Variants in ZNF438 observed in about 807,000 individuals in gnomAD.
The protein encoded by ZNF438 is zinc finger protein 438.
A neutral mutation model predicts 38.0 loss-of-function variants in ZNF438; 25 were observed. The ratio of observed to expected loss-of-function variants is 0.66; its 90% CI spans 0.48 to 0.92. The LOEUF is 0.92. ZNF438 is among the 40% of genes least tolerant of loss of function. ZNF438 has a pLI of 0.00. For missense variants in ZNF438, 1,007 were observed against 999.6 expected (o/e 1.01, Z -0.10); for synonymous variants, 372 against 364.1 (o/e 1.02, Z -0.25).
At chr10:30,983,463 G>A (rs983797777) in intron 1 of ZNF438, among the ~76,000 whole-genome samples, 8 of 151,966 alleles carry the variant, frequency 5.3e-5, no homozygotes, top group African/African-American at 9.7e-5. Context: ...TTAAACAACC[G>A]GATCTCATGA....
intron 1 of ZNF438, among the ~76,000 whole-genome samples, chr10:30,977,708 G>A (rs771581948): frequency 5.8e-4 from 89 of 152,160 alleles, no homozygotes; most frequent in Non-Finnish European, 1.1e-3. Flanking sequence ...TTCTGGGCCC[G>A]GCACGGTGGC....
intron 1 of ZNF438, among the ~76,000 whole-genome samples, chr10:30,961,516 T>C (rs1362851723): frequency 2.1e-5 from 3 of 146,308 alleles, no homozygotes; most frequent in African/African-American, 7.3e-5. Context: ...GATTGTATAA[T>C]CGCATTTTAT....
At chr10:30,871,880 G>A (rs1228631613) in intron 4 of ZNF438, among the ~76,000 whole-genome samples, 2 of 152,118 alleles carry the variant, frequency 1.3e-5, no homozygotes, top group Non-Finnish European at 1.5e-5. Context: ...AGAGGGGGCC[G>A]CCTGTGTGTC....
At chr10:30,915,129 CAGTCAGACTCTTTAAAA>C (rs2043469580) in intron 2 of ZNF438, among the ~76,000 whole-genome samples, 2 of 150,864 alleles carry the variant, frequency 1.3e-5, no homozygotes, top group African/African-American at 5.0e-5. Flanking sequence ...TTTTTATCAT[CAGTCAGACTCTTTAAAA>C]ATAAAAAAGC....
chr10:30,852,471 G>T (rs1248510912), intron 4 of ZNF438, among the ~76,000 whole-genome samples: 2 of 152,070 alleles, frequency 1.3e-5, no homozygotes, highest in East Asian at 3.9e-4. Flanking sequence ...GCCTCCCAAA[G>T]TGCTGGGATT....
intron 1 of ZNF438, among the ~76,000 whole-genome samples, chr10:30,982,213 T>C (rs1467084262): frequency 6.6e-6 from 1 of 151,824 alleles, no homozygotes; most frequent in Admixed American, 6.6e-5. Flanking sequence ...ACCATTCTCC[T>C]GCCTCAGCCT....
At chr10:31,009,221 G>A (rs1304460256) in intron 1 of ZNF438, among the ~76,000 whole-genome samples, 1 of 152,056 alleles carries the variant, frequency 6.6e-6, no homozygotes, top group East Asian at 1.9e-4. Flanking sequence ...TCTAACCTTA[G>A]TGCAGCTACT....
intron 1 of ZNF438, among the ~76,000 whole-genome samples, chr10:31,029,821 G>A (rs76722261): frequency 0.075 from 11,399 of 152,238 alleles, 557 homozygotes; most frequent in Non-Finnish European, 0.11. Flanking sequence ...TACTTTCCCC[G>A]TTCCCGGCTG....
At chr10:30,922,122 C>T (rs556749866) in intron 2 of ZNF438, among the ~76,000 whole-genome samples, 1 of 152,222 alleles carries the variant, frequency 6.6e-6, no homozygotes, top group South Asian at 2.1e-4. Context: ...TTCCACAATA[C>T]ACAGTGAGGA....
At chr10:30,874,108 GTGTGTGTATATATATATATA>G (rs1307968105) in intron 4 of ZNF438, among the ~76,000 whole-genome samples, 1,633 of 108,220 alleles carry the variant, frequency 0.015, 50 homozygotes, top group Middle Eastern at 0.035. Flanking sequence ...GTGGGGGTGT[GTGTGTGTATATATATATATA>G]TATATATATA....
chr10:30,953,889 C>T (rs148642461), intron 1 of ZNF438, among the ~76,000 whole-genome samples: 2 of 152,122 alleles, frequency 1.3e-5, no homozygotes, highest in African/African-American at 4.8e-5. Flanking sequence ...CACACCTGTA[C>T]TCCCAACACT....
At chr10:30,989,585 G>A (rs901204999) in intron 1 of ZNF438, among the ~76,000 whole-genome samples, 4 of 152,158 alleles carry the variant, frequency 2.6e-5, no homozygotes, top group Admixed American at 6.5e-5. Flanking sequence ...AATGGTTGCT[G>A]AATAAACTAA....
At chr10:30,857,681 A>G in intron 4 of ZNF438, 1 of 1,511,280 alleles carries the variant, frequency 6.6e-7, no homozygotes, top group African/African-American at 1.4e-5. Context: ...GCCACTTACT[A>G]TCCATAGGAC....
intron 3 of ZNF438, among the ~76,000 whole-genome samples, chr10:30,889,003 C>T (rs1313642494): frequency 6.6e-6 from 1 of 152,124 alleles, no homozygotes; most frequent in Non-Finnish European, 1.5e-5. Context: ...AGTGTATAAG[C>T]CATTTCCTTT....
In ZNF438 at chr10:30,973,336, C is replaced by T. The variant is rs568437278; in HGVS notation, c.-191-31685G>A. ...TCTTCTCTGCCTTACTTTGTAAGTC[C>T]TGCTGCCTTGCATAGAGTAGATGCT... On this transcript the variant is annotated intron_variant, in intron 1 of 5. Coordinates refer to ENST00000413025, the Ensembl canonical transcript of ZNF438. Among the ~76,000 whole-genome samples the T allele has an allele frequency of 7.9e-5, 12 of 152,246 alleles. No individual in the cohort carries two copies. In the South Asian group the frequency reaches 1.9e-3, roughly 24 times the overall value.
intron 3 of ZNF438, among the ~76,000 whole-genome samples, chr10:30,891,748 G>A (rs746512825): frequency 3.3e-5 from 5 of 152,122 alleles, no homozygotes; most frequent in African/African-American, 9.7e-5. Context: ...AAAGACTCAC[G>A]TTTGTGGCAA....
At chr10:30,902,773 C>T (rs1213944252) in intron 3 of ZNF438, among the ~76,000 whole-genome samples, 1 of 152,226 alleles carries the variant, frequency 6.6e-6, no homozygotes. Flanking sequence ...CACCGGGCCG[C>T]AGGTGGAGCT....
At chr10:30,870,903 G>A (rs1266819146) in intron 4 of ZNF438, among the ~76,000 whole-genome samples, 1 of 152,148 alleles carries the variant, frequency 6.6e-6, no homozygotes, top group Non-Finnish European at 1.5e-5. Context: ...AAGGGACTGA[G>A]GTTTACTTAT....
chr10:30,966,438 A>G (rs1249121747), intron 1 of ZNF438, among the ~76,000 whole-genome samples: 1 of 152,122 alleles, frequency 6.6e-6, no homozygotes, highest in Non-Finnish European at 1.5e-5. Context: ...TAGAAGGCCG[A>G]GGCGGGTGGA....
Sources: allele counts gnomAD v4.1 joint callset (sites outside exome capture counted in the v4.1 genomes callset), GRCh38; gene constraint gnomAD v4.1.1; transcripts MANE v1.5; gene names NCBI Gene and HGNC (gene_info 2026-07-23, HGNC 2026-07-21).